Variants in FNIP1 observed in about 807,000 individuals in gnomAD.
The protein encoded by FNIP1 is folliculin interacting protein 1.
A neutral mutation model predicts 124.5 loss-of-function variants in FNIP1; 40 were observed. That is an observed-to-expected ratio of 0.32 (90% CI 0.25 to 0.42). The LOEUF (loss-of-function observed/expected upper bound fraction) is 0.42. FNIP1 is among the 10% of genes least tolerant of loss of function. The probability of loss-of-function intolerance (pLI) is 1.00; values close to 1 mark genes in which losing one functional copy is unlikely to be tolerated. For synonymous variants in FNIP1, 472 were observed against 470.6 expected, an observed-to-expected ratio of 1.00 and a Z score of -0.04; for missense variants, 1,176 against 1,403.7, an observed-to-expected ratio of 0.84 and a Z score of 2.59.
At chr5:131,796,611 G>A (rs1175719072) in intron 1 of FNIP1, 1 of 565,788 alleles carries the variant, frequency 1.8e-6, no homozygotes, top group South Asian at 2.2e-5. Context: ...GGGAGGAGGG[G>A]GAAGGGGCAA....
intron 2 of FNIP1, among the ~76,000 whole-genome samples, chr5:131,735,137 G>T (rs1373907652): frequency 4.6e-5 from 7 of 152,054 alleles, no homozygotes; most frequent in East Asian, 1.9e-4. Context: ...CCATAAAAAA[G>T]GATGAGTTCA....
intron 1 of FNIP1, among the ~76,000 whole-genome samples, chr5:131,790,510 A>G (rs950194770): frequency 6.9e-6 from 1 of 145,816 alleles, no homozygotes; most frequent in Admixed American, 6.9e-5. Context: ...AAAGGCACCT[A>G]CTTAGTTGCT....
At chr5:131,777,061 G>T (rs1771833955) in intron 1 of FNIP1, among the ~76,000 whole-genome samples, 1 of 151,952 alleles carries the variant, frequency 6.6e-6, no homozygotes, top group South Asian at 2.1e-4. Context: ...GCGAGACTCT[G>T]TATCTACTAA....
At chr5:131,695,103 TCAAATAAA>T (rs1450583335) in intron 11 of FNIP1, among the ~76,000 whole-genome samples, 1 of 114,688 alleles carries the variant, frequency 8.7e-6, no homozygotes, top group Admixed American at 1.1e-4. Context: ...AGACACTGTC[TCAAATAAA>T]TAAATAAATA....
chr5:131,794,229 TAAAAAAAAAA>T, intron 1 of FNIP1, among the ~76,000 whole-genome samples: 1 of 48,464 alleles, frequency 2.1e-5, no homozygotes, highest in South Asian at 6.8e-4. Flanking sequence ...AGACTCCATC[TAAAAAAAAAA>T]AAAAAAAAAA....
intron 1 of FNIP1, among the ~76,000 whole-genome samples, chr5:131,745,591 T>C (rs188530292): frequency 3.0e-4 from 46 of 152,184 alleles, no homozygotes; most frequent in African/African-American, 1.1e-3. Context: ...AATTTATATA[T>C]AAATTTAGTA....
intron 5 of FNIP1, among the ~76,000 whole-genome samples, chr5:131,716,959 G>A (rs1253379682): frequency 6.6e-6 from 1 of 151,124 alleles, no homozygotes; most frequent in Non-Finnish European, 1.5e-5. Context: ...CCCATTGTCT[G>A]GCTCACAAAG....
intron 1 of FNIP1, among the ~76,000 whole-genome samples, chr5:131,756,436 G>A (rs1771054260): frequency 6.6e-6 from 1 of 152,092 alleles, no homozygotes. Flanking sequence ...GTATGTGTAT[G>A]AAATACACAG....
Position 131,710,591 on chromosome 5 carries a change from G to C in FNIP1, c.693C>G (p.Ala231=). Residue 231 remains alanine, a synonymous_variant, in exon 7 of 18, where the codon GCC becomes GCG. Transcript: ENST00000510461. ...CACATCGCAAACCTGCAAAGAAAGA[G>C]GCGCTCCTGATCAGGCGGAGCGGAC... is the stretch of plus-strand genomic sequence containing the variant. ...EQGPLRLIRS[A]SFFAVHSNPM... is the part of the protein sequence containing the mutation. The C allele has an allele frequency of 6.2e-7, 1 of 1,613,692 alleles. No homozygotes were observed. The highest frequency in any genetic ancestry group is 8.5e-7 in the Non-Finnish European group (1 of 1,179,864).
intron 15 of FNIP1, among the ~76,000 whole-genome samples, chr5:131,661,772 C>CA (rs1323750427): frequency 2.6e-5 from 4 of 152,112 alleles, no homozygotes; most frequent in African/African-American, 4.8e-5. Context: ...GCCGTGCCAA[C>CA]AAAAGGTAAG....
intron 15 of FNIP1, among the ~76,000 whole-genome samples, chr5:131,658,958 CAAAT>C (rs1455431431): frequency 2.0e-5 from 1 of 49,950 alleles, no homozygotes; most frequent in Non-Finnish European, 4.4e-5. Context: ...AACAAAAAAA[CAAAT>C]AAAGCCATGC....
chr5:131,716,066 T>TA (rs1402119797), intron 6 of FNIP1, among the ~76,000 whole-genome samples: 10 of 152,208 alleles, frequency 6.6e-5, no homozygotes, highest in African/African-American at 2.4e-4. Flanking sequence ...AACAATCAGC[T>TA]AACCAAAGTA....
chr5:131,789,713 C>CT (rs769962913), intron 1 of FNIP1, among the ~76,000 whole-genome samples: 4 of 152,182 alleles, frequency 2.6e-5, no homozygotes, highest in Non-Finnish European at 5.9e-5. Flanking sequence ...ATCACTCACT[C>CT]TATCATTTTT....
Position 131,710,652 on chromosome 5 carries a change from T to C in FNIP1, c.632A>G (p.Gln211Arg). The change falls in exon 7 of 18, where the codon CAG (glutamine) becomes CGG (arginine). Residue 211 changes from glutamine to arginine, a missense_variant. By Grantham distance (43) the Gln-to-Arg change is conservative. This residue lies in a region of FNIP1 where 1,109 missense variants were observed against 1,288.5 expected (regional missense o/e 0.86). Coordinates refer to ENST00000510461, the MANE Select transcript of FNIP1 (RefSeq NM_133372.3). ...NGLLGNIGLS[Q>R]FCSPRRAFSE... ...GAATGCCCGCCTGGGGCTGCAGAAC[T>C]GTGAAAGACCTACATGGCAAAAACG... 6.2e-7 allele frequency: 1 copy of C among 1,613,694 alleles called. No homozygotes were observed. Among genetic ancestry groups the C allele is most frequent in the Non-Finnish European group, 8.5e-7 (1 of 1,179,906 alleles).
At chr5:131,657,754 A>AAC (rs1370814168) in intron 15 of FNIP1, among the ~76,000 whole-genome samples, 3 of 149,976 alleles carry the variant, frequency 2.0e-5, no homozygotes, top group South Asian at 2.1e-4. Context: ...AAAAAAAAAA[A>AAC]AAAACGGTGG....
chr5:131,726,582 G>C (rs1365719418), intron 3 of FNIP1, among the ~76,000 whole-genome samples: 1 of 151,982 alleles, frequency 6.6e-6, no homozygotes, highest in African/African-American at 2.4e-5. Context: ...TCTGGCTAGT[G>C]GTCTATTTTG....
At chr5:131,670,865 T>C (rs1457959576) in intron 14 of FNIP1, among the ~76,000 whole-genome samples, 3 of 152,086 alleles carry the variant, frequency 2.0e-5, no homozygotes, top group African/African-American at 7.2e-5. Flanking sequence ...AAGTGCTCTA[T>C]CAGAAAATAA....
chr5:131,787,457 C>T (rs1486466678), intron 1 of FNIP1, among the ~76,000 whole-genome samples: 4 of 152,180 alleles, frequency 2.6e-5, no homozygotes, highest in African/African-American at 4.8e-5. Context: ...TGGATCTGAA[C>T]TCATCAAGTC....
chr5:131,647,329 G>A, intron 16 of FNIP1, 124 bp from the exon 17 acceptor site: 1 of 677,866 alleles, frequency 1.5e-6, no homozygotes, highest in Non-Finnish European at 2.5e-6. Flanking sequence ...ACTAAAATTT[G>A]GAGCACATTT....
Sources: allele counts gnomAD v4.1 joint callset (sites outside exome capture counted in the v4.1 genomes callset), GRCh38; gene constraint gnomAD v4.1.1; regional missense constraint gnomAD v4.1.1; transcripts MANE v1.5; gene names NCBI Gene and HGNC (gene_info 2026-07-23, HGNC 2026-07-21).